CDCP1: variants seen among roughly 807,000 people sequenced by gnomAD.
CDCP1 encodes CUB domain-containing protein 1.
A neutral mutation model predicts 60.2 loss-of-function variants in CDCP1; 29 were observed. The ratio of observed to expected loss-of-function variants is 0.48; its 90% CI spans 0.36 to 0.66. CDCP1 has a LOEUF of 0.66. Among genes scored for constraint, CDCP1 ranks in the 30% least tolerant of loss-of-function variants. The probability of loss-of-function intolerance (pLI) is 0.00; values close to 1 mark genes in which losing one functional copy is unlikely to be tolerated. For synonymous variants in CDCP1, 387 were observed against 431.1 expected, an observed-to-expected ratio of 0.90 and a Z score of 1.27; for missense variants, 876 against 1,074.3, an observed-to-expected ratio of 0.82 and a Z score of 2.58.
At chr3:45,114,819 G>A (rs1016744126) in intron 2 of CDCP1, among the ~76,000 whole-genome samples, 1 of 152,104 alleles carries the variant, frequency 6.6e-6, no homozygotes, top group Non-Finnish European at 1.5e-5. Context: ...GGCAATGAAG[G>A]GCAGGTGGAC....
chr3:45,144,109 C>G (rs1436347038), intron 1 of CDCP1, among the ~76,000 whole-genome samples: 1 of 152,134 alleles, frequency 6.6e-6, no homozygotes, highest in Non-Finnish European at 1.5e-5. Flanking sequence ...GTGTTTCACT[C>G]TTGGAAATGG....
chr3:45,136,939 C>T (rs927144549), intron 1 of CDCP1, among the ~76,000 whole-genome samples: 2 of 152,072 alleles, frequency 1.3e-5, no homozygotes, highest in African/African-American at 4.8e-5. Context: ...AATGTTATAC[C>T]ATGCATTTGA....
chr3:45,140,067 T>C (rs1229551900), intron 1 of CDCP1, among the ~76,000 whole-genome samples: 2 of 152,236 alleles, frequency 1.3e-5, no homozygotes, highest in Non-Finnish European at 2.9e-5. Context: ...TTTGGATGCA[T>C]ATGGCATATG....
Position 45,084,848 on chromosome 3 carries a change from G to T in CDCP1, c.*790C>A, listed in dbSNP as rs1698162932. On this transcript the variant is annotated 3_prime_UTR_variant, in exon 9 of 9. Transcript: ENST00000296129. ...TGTCAAAGTATTGCTGCAGCTAGGA[G>T]AACCGCACATGGAAACTTGAGGAAA... The T allele has an allele frequency of 6.6e-6, 1 of 152,650 alleles. No individual in the cohort carries two copies. The highest frequency in any genetic ancestry group is 1.5e-5 in the Non-Finnish European group (1 of 68,050). 9.5% of individuals were successfully genotyped at this position (152,650 alleles called of 1,614,324 possible).
chr3:45,097,518 A>G (rs945306754), intron 4 of CDCP1, among the ~76,000 whole-genome samples: 3 of 151,696 alleles, frequency 2.0e-5, no homozygotes, highest in Non-Finnish European at 4.4e-5. Flanking sequence ...AAAAAAAAAA[A>G]AAAAAAAGCC....
At chr3:45,137,428 TAGA>T (rs1393296250) in intron 1 of CDCP1, among the ~76,000 whole-genome samples, 1 of 152,128 alleles carries the variant, frequency 6.6e-6, no homozygotes, top group Admixed American at 6.6e-5. Flanking sequence ...CCAGTGAGGC[TAGA>T]AGAAGTTATG....
intron 2 of CDCP1, among the ~76,000 whole-genome samples, chr3:45,115,241 T>TG (rs1698764542): frequency 1.3e-4 from 1 of 7,654 alleles, no homozygotes; most frequent in Non-Finnish European, 2.5e-4. Flanking sequence ...TGGGGTGGGG[T>TG]GGGGCGGGGA....
intron 1 of CDCP1, among the ~76,000 whole-genome samples, chr3:45,135,933 G>GT (rs1699184119): frequency 6.6e-6 from 1 of 152,148 alleles, no homozygotes. Context: ...TGTAATTTAG[G>GT]TTTTTTCAAA....
In CDCP1 at chr3:45,134,758, G is replaced by T. The variant is rs367763941; in HGVS notation, c.82+11448C>A. Among the ~76,000 whole-genome samples, 44 of 152,206 alleles carry T rather than the reference G, an allele frequency of 2.9e-4. 2 individuals are homozygous for T. The East Asian group carries it at 4.1e-3, about 14-fold the overall frequency. ...CAGGCAGCCCAGGATAAACAGATCA[G>T]CAACACAACGTGGCACACTCCAGGA... On this transcript the variant is annotated intron_variant, in intron 1 of 8. Coordinates refer to ENST00000296129, the MANE Select transcript of CDCP1 (RefSeq NM_022842.5).
intron 8 of CDCP1, 68 bp from the exon 9 acceptor site, chr3:45,086,135 G>A (rs1698190022): frequency 7.4e-7 from 1 of 1,347,092 alleles, no homozygotes; most frequent in Non-Finnish European, 1.0e-6. Context: ...CCATTGCTAT[G>A]GCCCTGCTAG....
chr3:45,143,380 T>G (rs1408100537), intron 1 of CDCP1, among the ~76,000 whole-genome samples: 1 of 152,200 alleles, frequency 6.6e-6, no homozygotes, highest in Non-Finnish European at 1.5e-5. Flanking sequence ...GCCTTTTCAC[T>G]GAATAGACCT....
intron 4 of CDCP1, among the ~76,000 whole-genome samples, chr3:45,098,774 A>G (rs1079472): frequency 0.13 from 20,063 of 152,182 alleles, 1,605 homozygotes; most frequent in Middle Eastern, 0.24. Context: ...TAGCTACACT[A>G]TATTGCATGC....
chr3:45,098,396 G>T (rs1236460229), intron 4 of CDCP1, among the ~76,000 whole-genome samples: 2 of 152,028 alleles, frequency 1.3e-5, no homozygotes, highest in Non-Finnish European at 2.9e-5. Flanking sequence ...AAAAGATATG[G>T]AGAGAAATAT....
In CDCP1 at chr3:45,093,672, G is replaced by A. The variant is rs1698343147; in HGVS notation, c.1247-15C>T. On this transcript the variant is annotated splice_polypyrimidine_tract_variant and intron_variant, in intron 5 of 8. Coordinates refer to ENST00000296129, the MANE Select transcript of CDCP1 (RefSeq NM_022842.5). ...GTCTGTGCAGCCTGGAAGAAGTGGG[G>A]CATGCTAGCCATGCACAAAGGAGAC... The A allele has an allele frequency of 6.3e-7, 1 of 1,597,778 alleles. No homozygotes were observed. Among genetic ancestry groups the A allele is most frequent in the African/African-American group, 1.3e-5 (1 of 74,810 alleles).
rs750480946 is a variant in CDCP1 at position 45,146,223 on chromosome 3, C to T, written c.65G>A (p.Arg22His). The T allele has an allele frequency of 6.3e-7, 1 of 1,595,788 alleles. No individual in the cohort carries two copies. Among genetic ancestry groups the T allele is most frequent in the East Asian group, 2.4e-5 (1 of 42,342 alleles). ...GCACTCACCTGCCCCGCGCGGCAGG[C>T]GCGCCGCACCCAGCAGCAGAACCCC... is the stretch of plus-strand genomic sequence containing the variant. ...LLGVLLLGAA[R>H]LPRGAEAFEI... The change falls in exon 1 of 9, where the codon CGC becomes CAC. Residue 22 changes from arginine to histidine, a missense_variant. Physicochemically the swap from Arg to His is conservative, Grantham distance 29. Around this residue, in one of 2 missense-constraint regions of CDCP1, gnomAD observed 150 missense variants for 138.6 expected, o/e 1.08. Transcript: ENST00000296129.
rs539998376 is a variant in CDCP1 at position 45,098,024 on chromosome 3, C to T, written c.1025-2456G>A. Among the ~76,000 whole-genome samples the T allele has an allele frequency of 4.3e-4, 65 of 152,168 alleles. 1 individual carries two copies. The South Asian group carries it at 0.013, about 31-fold the overall frequency. On this transcript the variant is annotated intron_variant, in intron 4 of 8. Transcript: ENST00000296129. ...ACCTTCATTGTTACCTGCAGGACAC[C>T]TCCCCACCCCAAAGCCGTGTTAGAA...
At chr3:45,116,595 T>G (rs970297556) in intron 2 of CDCP1, among the ~76,000 whole-genome samples, 1 of 152,226 alleles carries the variant, frequency 6.6e-6, no homozygotes, top group Non-Finnish European at 1.5e-5. Flanking sequence ...ACAAACCTCC[T>G]GGCTCACGGG....
chr3:45,146,118 TGCGTCCCTCGG>T, intron 1 of CDCP1, 77 bp downstream of exon 1: 6 of 1,244,586 alleles, frequency 4.8e-6, no homozygotes, highest in Non-Finnish European at 5.6e-6. Context: ...CTCCGCACCC[TGCGTCCCTCGG>T]CCGCATCTCC....
rs181106449 is a variant in CDCP1 at position 45,143,220 on chromosome 3, G to A, written c.82+2986C>T. On this transcript the variant is annotated intron_variant, in intron 1 of 8. Transcript: ENST00000296129. ...ACTCTGTCTCAAAAATTTAAAAAAA[G>A]AGTGTGCAGAACAACACAGCTGAAG... Among the ~76,000 whole-genome samples the A allele has an allele frequency of 1.0e-3, 152 of 152,274 alleles. 1 individual carries two copies. The highest frequency in any genetic ancestry group is 3.5e-3 in the African/African-American group (144 of 41,558).
Sources: allele counts gnomAD v4.1 joint callset (sites outside exome capture counted in the v4.1 genomes callset), GRCh38; gene constraint gnomAD v4.1.1; regional missense constraint gnomAD v4.1.1; transcripts MANE v1.5; gene names NCBI Gene and HGNC (gene_info 2026-07-23, HGNC 2026-07-21).